Variants in BTRC observed in about 807,000 individuals in gnomAD.
BTRC encodes beta-transducin repeat containing E3 ubiquitin protein ligase, also known as F-box/WD repeat-containing protein 1A.
A neutral mutation model predicts 85.5 loss-of-function variants in BTRC; 42 were observed. The observed-to-expected ratio is 0.49, with a 90% CI of 0.38 to 0.64. The LOEUF (loss-of-function observed/expected upper bound fraction) is 0.64, where lower values mean the gene tolerates loss of function less well. Ranked by LOEUF, BTRC falls within the 30% of genes least tolerant of loss-of-function variation. The pLI, the probability that BTRC is intolerant of heterozygous loss-of-function variation, is 0.00. For synonymous variants in BTRC, 255 were observed against 263.3 expected, an observed-to-expected ratio of 0.97 and a Z score of 0.30; for missense variants, 594 against 743.5, an observed-to-expected ratio of 0.80 and a Z score of 2.34.
intron 3 of BTRC, among the ~76,000 whole-genome samples, chr10:101,471,454 C>A (rs907393137): frequency 6.6e-6 from 1 of 152,114 alleles, no homozygotes; most frequent in Non-Finnish European, 1.5e-5. Context: ...ATTTTGCCCC[C>A]GTTATTCTGT....
intron 1 of BTRC, among the ~76,000 whole-genome samples, chr10:101,371,742 C>T (rs1358442458): frequency 6.6e-6 from 1 of 152,094 alleles, no homozygotes. Context: ...TCTTCAAGTC[C>T]GTGAGAAGTT....
intron 1 of BTRC, among the ~76,000 whole-genome samples, chr10:101,391,763 G>T (rs975681155): frequency 3.3e-5 from 5 of 152,062 alleles, no homozygotes; most frequent in Admixed American, 1.3e-4. Context: ...GCCATCATTA[G>T]CTACTATATT....
intron 1 of BTRC, among the ~76,000 whole-genome samples, chr10:101,419,053 C>T (rs2134047563): frequency 6.6e-6 from 1 of 151,628 alleles, no homozygotes; most frequent in Admixed American, 6.6e-5. Flanking sequence ...CTCTGTCACC[C>T]AGGCTGGAGT....
chr10:101,536,830 A>T (rs1219459063), intron 12 of BTRC, among the ~76,000 whole-genome samples, 177 bp downstream of exon 12: 1 of 152,168 alleles, frequency 6.6e-6, no homozygotes, highest in Non-Finnish European at 1.5e-5. Context: ...AGTGTCCTGA[A>T]ATATTCTTCC....
At chr10:101,421,623 C>T (rs1432734296) in intron 1 of BTRC, among the ~76,000 whole-genome samples, 4 of 105,684 alleles carry the variant, frequency 3.8e-5, no homozygotes, top group Non-Finnish European at 5.6e-5. Context: ...CCCCTCCCCC[C>T]TCCCCCCACC....
chr10:101,439,905 G>A (rs1168662397), intron 2 of BTRC, among the ~76,000 whole-genome samples: 1 of 152,206 alleles, frequency 6.6e-6, no homozygotes, highest in Non-Finnish European at 1.5e-5. Context: ...TAAACTGATA[G>A]CCTACTATAT....
chr10:101,374,193 T>C (rs1235160555), intron 1 of BTRC, among the ~76,000 whole-genome samples: 1 of 152,066 alleles, frequency 6.6e-6, no homozygotes, highest in East Asian at 1.9e-4. Flanking sequence ...TGTAAAAGTG[T>C]TCCTATTTCT....
At chr10:101,532,891 A>G (rs1388350004) in intron 8 of BTRC, 61 bp from the exon 9 acceptor site, 14 of 1,329,910 alleles carry the variant, frequency 1.1e-5, no homozygotes, top group Non-Finnish European at 1.5e-5. Flanking sequence ...TAATAGGACC[A>G]ACAAGTCTCC....
At chr10:101,425,391 T>C (rs983888135) in intron 1 of BTRC, among the ~76,000 whole-genome samples, 4 of 152,188 alleles carry the variant, frequency 2.6e-5, no homozygotes, top group African/African-American at 9.7e-5. Context: ...TTCAACTTTC[T>C]TTGATTTTGC....
chr10:101,430,313 T>C (rs1236229177), intron 1 of BTRC, 32 bp from the exon 2 acceptor site: 17 of 1,490,950 alleles, frequency 1.1e-5, no homozygotes, highest in Non-Finnish European at 1.6e-5. Context: ...TGTCTCATAC[T>C]GTCCCATCTC....
intron 11 of BTRC, 44 bp downstream of exon 11, chr10:101,535,516 T>C: frequency 7.7e-7 from 1 of 1,298,142 alleles, no homozygotes; most frequent in Non-Finnish European, 1.1e-6. Flanking sequence ...AATATTATGC[T>C]CCCATTCATT....
chr10:101,548,976 C>G (rs1310602644), intron 13 of BTRC, among the ~76,000 whole-genome samples: 1 of 151,488 alleles, frequency 6.6e-6, no homozygotes, highest in Non-Finnish European at 1.5e-5. Context: ...TCGCTTGAAC[C>G]CAGGAGGCGG....
intron 1 of BTRC, among the ~76,000 whole-genome samples, chr10:101,410,164 A>C (rs192754346): frequency 1.1e-4 from 17 of 152,156 alleles, no homozygotes; most frequent in African/African-American, 4.1e-4. Flanking sequence ...AGCTTCTTCT[A>C]GTACATCTGG....
chr10:101,404,285 C>T (rs140014243), intron 1 of BTRC, among the ~76,000 whole-genome samples: 5 of 150,730 alleles, frequency 3.3e-5, no homozygotes, highest in African/African-American at 9.8e-5. Context: ...CCTCCTCGGC[C>T]TCCCAAAGTG....
chr10:101,551,041 C>A, intron 14 of BTRC, 150 bp downstream of exon 14: 1 of 667,080 alleles, frequency 1.5e-6, no homozygotes, highest in Admixed American at 3.1e-5. Context: ...AGGGCTGAAG[C>A]TGCCACAGTG....
At chr10:101,367,095 G>C (rs1233546133) in intron 1 of BTRC, among the ~76,000 whole-genome samples, 2 of 118,080 alleles carry the variant, frequency 1.7e-5, no homozygotes, top group Non-Finnish European at 3.3e-5. Flanking sequence ...TTTCGAGCTA[G>C]AGTCTCGCTC....
chr10:101,442,296 A>ATGTGTGTGTG (rs139018865), intron 2 of BTRC, among the ~76,000 whole-genome samples: 3,030 of 142,010 alleles, frequency 0.021, 83 homozygotes, highest in East Asian at 0.074. Context: ...CTCTGTGTGT[A>ATGTGTGTGTG]TGTGTGTGTG....
At chr10:101,523,123 G>C (rs1052294851) in intron 5 of BTRC, among the ~76,000 whole-genome samples, 1 of 152,092 alleles carries the variant, frequency 6.6e-6, no homozygotes, top group African/African-American at 2.4e-5. Context: ...AGAATCGCTT[G>C]AACCCAGGAG....
chr10:101,399,642 T>G (rs891391914), intron 1 of BTRC, among the ~76,000 whole-genome samples: 2 of 152,170 alleles, frequency 1.3e-5, no homozygotes, highest in Non-Finnish European at 2.9e-5. Flanking sequence ...TTTAATAGAT[T>G]TGCAAACAGA....
Sources: gnomAD v4.1 joint callset for allele counts (sites outside exome capture counted in the v4.1 genomes callset) on GRCh38, gnomAD v4.1.1 for gene constraint, MANE v1.5 for transcripts, NCBI Gene and HGNC (gene_info 2026-07-23, HGNC 2026-07-21) for gene names.